The following CHD7 variants were observed in gnomAD, a reference collection of about 807,000 sequenced individuals.
CHD7 encodes the protein ATP-dependent chromatin remodeler CHD7.
A neutral mutation model predicts 307.3 loss-of-function variants in CHD7; 24 were observed. The ratio of observed to expected loss-of-function variants is 0.08; its 90% confidence interval spans 0.06 to 0.11. The LOEUF (loss-of-function observed/expected upper bound fraction) is 0.11. CHD7 is among the 10% of genes least tolerant of loss of function. The pLI is 1.00. For synonymous variants in CHD7, 1,363 were observed against 1,349.9 expected (o/e 1.01, Z -0.21); for missense variants, 3,106 against 3,727.1 (o/e 0.83, Z 4.34).
chr8:60,808,328 C>T lies in CHD7; in HGVS notation c.2498+56C>T, dbSNP rs557084493. ...GGGGCTATATTTTCCAAGTAGTAAA[C>T]GACCATTTTTTTTTAAAGTTGGGAA... On this transcript the variant is annotated intron_variant, in intron 7 of 37. Coordinates refer to ENST00000423902, the MANE Select transcript of CHD7 (RefSeq NM_017780.4). 1.3e-4 allele frequency: 132 copies of T among 1,046,450 alleles called. No homozygotes were observed. The South Asian group carries it at 1.5e-3, about 12-fold the overall frequency. The allele number at this position is 1,046,450 out of a possible 1,614,324, so 64.8% of individuals were successfully genotyped here. A position where few individuals can be genotyped will look rare whatever the true frequency, so the allele number is the denominator to read the frequency against.
chr8:60,743,107 C>T lies in CHD7; in HGVS notation c.1665+10C>T. ...AGTGCCTGTGCATCAGGTAAGGGGA[C>T]ACAGAGCCTACCTCTGCATTGCAGT... On this transcript the variant is annotated intron_variant, in intron 2 of 37. Coordinates refer to ENST00000423902, the MANE Select transcript of CHD7 (RefSeq NM_017780.4). 3 of 1,605,150 alleles carry T rather than the reference C, an allele frequency of 1.9e-6. No individual in the cohort carries two copies. Among genetic ancestry groups the T allele is most frequent in the Non-Finnish European group, 2.6e-6 (3 of 1,173,288 alleles).
intron 1 of CHD7, among the ~76,000 whole-genome samples, chr8:60,691,123 G>A (rs184436779): frequency 2.0e-5 from 3 of 152,078 alleles, no homozygotes; most frequent in East Asian, 3.9e-4. Flanking sequence ...ATGGGGTTTC[G>A]CCATGTTGGC....
chr8:60,802,759 G>A (rs1013130903), intron 6 of CHD7, among the ~76,000 whole-genome samples: 2 of 152,130 alleles, frequency 1.3e-5, no homozygotes, highest in Non-Finnish European at 2.9e-5. Context: ...GAGATCCCAG[G>A]CTTATCAAAT....
At chr8:60,721,448 A>C (rs894394617) in intron 1 of CHD7, among the ~76,000 whole-genome samples, 1 of 152,172 alleles carries the variant, frequency 6.6e-6, no homozygotes, top group Non-Finnish European at 1.5e-5. Flanking sequence ...AACTGTGAAA[A>C]ATAAGTTTCC....
chr8:60,830,758 G>A (rs1313733737), intron 15 of CHD7, among the ~76,000 whole-genome samples, 181 bp downstream of exon 15: 1 of 152,142 alleles, frequency 6.6e-6, no homozygotes, highest in African/African-American at 2.4e-5. Flanking sequence ...GAAGGTGAGT[G>A]ACCATTGCCC....
At chr8:60,794,274 A>T (rs1811911539) in intron 3 of CHD7, among the ~76,000 whole-genome samples, 1 of 152,190 alleles carries the variant, frequency 6.6e-6, no homozygotes, top group African/African-American at 2.4e-5. Context: ...ATAATATTCA[A>T]ATTCTAATAA....
intron 1 of CHD7, among the ~76,000 whole-genome samples, chr8:60,704,869 G>T (rs1266562466): frequency 6.6e-6 from 1 of 152,154 alleles, no homozygotes; most frequent in Non-Finnish European, 1.5e-5. Context: ...GGCTTGGCTG[G>T]TGGAATACTG....
At chr8:60,784,817 G>A (rs948418505) in intron 3 of CHD7, among the ~76,000 whole-genome samples, 4 of 152,126 alleles carry the variant, frequency 2.6e-5, no homozygotes, top group African/African-American at 9.7e-5. Flanking sequence ...AAGATGTTCA[G>A]CATCACAGAA....
At chr8:60,862,731 C>A in intron 37 of CHD7, 79 bp downstream of exon 37, 2 of 952,702 alleles carry the variant, frequency 2.1e-6, no homozygotes, top group Non-Finnish European at 3.3e-6. Flanking sequence ...TTTCTGTTGG[C>A]CATTAATTAT....
chr8:60,848,433 A>G (rs1805305568), intron 23 of CHD7, 82 bp from the exon 24 acceptor site: 4 of 901,272 alleles, frequency 4.4e-6, no homozygotes. Flanking sequence ...ATGATGGATG[A>G]ACAGCAGCAG....
At chr8:60,792,016 T>G (rs1811797222) in intron 3 of CHD7, among the ~76,000 whole-genome samples, 1 of 152,264 alleles carries the variant, frequency 6.6e-6, no homozygotes, top group African/African-American at 2.4e-5. Flanking sequence ...GTTAACTATC[T>G]GTGCCATTTT....
intron 2 of CHD7, 146 bp from the exon 3 acceptor site, chr8:60,780,854 T>C (rs1811180774): frequency 2.0e-6 from 2 of 1,022,596 alleles, no homozygotes; most frequent in African/African-American, 1.7e-5. Context: ...TGAGAGAAGC[T>C]GATAGATTCT....
In CHD7 at chr8:60,856,454, C is replaced by G; in HGVS notation, c.7174C>G (p.Leu2392Val). The change falls in exon 34 of 38, where the codon CTC becomes GTC. Residue 2392 changes from leucine (L) to valine (V), a missense_variant. Physicochemically the swap from Leu to Val is conservative, Grantham distance 32. Transcript: ENST00000423902. Reference sequence around the variant, plus strand: ...TGGAATTTTTCAATAGGAAGATGCCCTCAACCTCTCTGTCCCTCGCCAGCG... The same window carrying G: ...TGGAATTTTTCAATAGGAAGATGCCGTCAACCTCTCTGTCCCTCGCCAGCG... ...TSPQLSKEDA[L>V]NLSVPRQRRR... 1 of 1,610,680 alleles carries G rather than the reference C, an allele frequency of 6.2e-7. No homozygotes were observed. Among genetic ancestry groups the G allele is most frequent in the Non-Finnish European group, 8.5e-7 (1 of 1,178,110 alleles).
intron 1 of CHD7, among the ~76,000 whole-genome samples, chr8:60,690,163 A>C (rs1806123545): frequency 6.7e-6 from 1 of 150,064 alleles, no homozygotes; most frequent in African/African-American, 2.5e-5. Context: ...CTTACATGTT[A>C]CAGAGTGGGT....
intron 16 of CHD7, 60 bp downstream of exon 16, chr8:60,836,343 C>T: frequency 7.2e-7 from 1 of 1,379,980 alleles, no homozygotes; most frequent in South Asian, 1.4e-5. Context: ...CCCAGGGGTC[C>T]AAGCAGTCCA....
chr8:60,853,452 G>A lies in CHD7; in HGVS notation c.6727G>A (p.Glu2243Lys). Residue 2243 changes from glutamate to lysine, a missense_variant, in exon 31 of 38, where the codon GAA becomes AAA. This residue lies in a region of CHD7 where 1,030 missense variants were observed against 1,165.4 expected (regional missense o/e 0.88). Coordinates refer to ENST00000423902, the MANE Select transcript of CHD7 (RefSeq NM_017780.4). ...GAAAGGTTCCGAAGAGGATGAAGAG[G>A]AAAAGCTGGAGGATGACGATAAGTC... ...SEKGSEEDEEEKLEDDDKSEE... is the reference protein window; with the variant it reads ...SEKGSEEDEEKKLEDDDKSEE... The A allele has an allele frequency of 6.6e-7, 1 of 1,518,044 alleles. No homozygotes were observed. 94.0% of individuals were successfully genotyped at this position (1,518,044 alleles called of 1,614,324 possible).
intron 16 of CHD7, 25 bp from the exon 17 acceptor site, chr8:60,836,792 C>G (rs987200121): frequency 6.3e-7 from 1 of 1,597,194 alleles, no homozygotes; most frequent in African/African-American, 1.3e-5. Flanking sequence ...CGTCAGGCCT[C>G]CTTGTTCACA....
chr8:60,722,171 T>A (rs1309690059), intron 1 of CHD7, among the ~76,000 whole-genome samples: 2 of 152,222 alleles, frequency 1.3e-5, no homozygotes, highest in Non-Finnish European at 2.9e-5. Context: ...GCAACTTCTC[T>A]TAAAAGCCAG....
chr8:60,725,393 C>T (rs1049246726), intron 1 of CHD7, among the ~76,000 whole-genome samples: 6 of 152,176 alleles, frequency 3.9e-5, no homozygotes, highest in African/African-American at 1.2e-4. Context: ...CAAAGTGTAC[C>T]ATCAAGACAG....
Sources: allele counts gnomAD v4.1 joint callset (sites outside exome capture counted in the v4.1 genomes callset), GRCh38; gene constraint gnomAD v4.1.1; regional missense constraint gnomAD v4.1.1; transcripts MANE v1.5; gene names NCBI Gene and HGNC (gene_info 2026-07-23, HGNC 2026-07-21).